LRRTM4: variants seen among roughly 807,000 people sequenced by gnomAD.
LRRTM4 encodes the protein leucine-rich repeat transmembrane neuronal protein 4.
A neutral mutation model predicts 47.6 loss-of-function variants in LRRTM4; 25 were observed. That is an observed-to-expected ratio of 0.53 (90% CI 0.38 to 0.73). LRRTM4 has a LOEUF of 0.73. Ranked by LOEUF, LRRTM4 falls within the 30% of genes least tolerant of loss-of-function variation. The pLI is 0.00. For synonymous variants in LRRTM4, 311 were observed against 269.5 expected, an observed-to-expected ratio of 1.15 and a Z score of -1.51; for missense variants, 638 against 713.4, an observed-to-expected ratio of 0.89 and a Z score of 1.20.
At chr2:77,434,502 T>C (rs1258549342) in intron 3 of LRRTM4, among the ~76,000 whole-genome samples, 2 of 152,000 alleles carry the variant, frequency 1.3e-5, no homozygotes, top group Admixed American at 1.3e-4. Flanking sequence ...AATTTTCTTT[T>C]AAAAACAGTC....
chr2:77,182,441 G>A (rs888505491), intron 3 of LRRTM4, among the ~76,000 whole-genome samples: 7 of 152,058 alleles, frequency 4.6e-5, no homozygotes, highest in African/African-American at 1.7e-4. Context: ...GGGGTGAGGG[G>A]AGAGAATCTA....
At chr2:76,791,806 A>G (rs1301814189) in intron 3 of LRRTM4, among the ~76,000 whole-genome samples, 1 of 152,228 alleles carries the variant, frequency 6.6e-6, no homozygotes, top group Non-Finnish European at 1.5e-5. Flanking sequence ...TTTTGCCAAC[A>G]GTATTTGTCA....
At chr2:76,889,940 G>A (rs1673198339) in intron 3 of LRRTM4, among the ~76,000 whole-genome samples, 1 of 151,874 alleles carries the variant, frequency 6.6e-6, no homozygotes, top group South Asian at 2.1e-4. Context: ...TTTATCTCAG[G>A]ACACTCTGTT....
At chr2:77,512,608 G>C (rs1368468330) in intron 3 of LRRTM4, among the ~76,000 whole-genome samples, 1 of 152,082 alleles carries the variant, frequency 6.6e-6, no homozygotes, top group Non-Finnish European at 1.5e-5. Context: ...AAACTCTAGA[G>C]ACATGAAAAT....
At chr2:77,391,140 ATTATTC>A in intron 3 of LRRTM4, among the ~76,000 whole-genome samples, 1 of 152,176 alleles carries the variant, frequency 6.6e-6, no homozygotes, top group South Asian at 2.1e-4. Context: ...GTAAAAAATA[ATTATTC>A]TTATGAAATC....
chr2:76,790,698 G>A (rs1248027906), intron 3 of LRRTM4, among the ~76,000 whole-genome samples: 1 of 150,754 alleles, frequency 6.6e-6, no homozygotes, highest in East Asian at 1.9e-4. Flanking sequence ...TAATTGGATA[G>A]ACCCCCCCCC....
intron 3 of LRRTM4, among the ~76,000 whole-genome samples, chr2:76,872,327 G>A (rs1672646359): frequency 6.6e-6 from 1 of 152,016 alleles, no homozygotes; most frequent in African/African-American, 2.4e-5. Flanking sequence ...TAATCAAATG[G>A]AGTGAATAAG....
intron 3 of LRRTM4, among the ~76,000 whole-genome samples, chr2:76,927,170 C>T (rs1041060395): frequency 1.5e-4 from 23 of 152,004 alleles, no homozygotes; most frequent in Admixed American, 1.4e-3. Flanking sequence ...TAACCTATTC[C>T]CTAGGAACCC....
chr2:77,158,579 C>T (rs894446431), intron 3 of LRRTM4, among the ~76,000 whole-genome samples: 21 of 151,834 alleles, frequency 1.4e-4, no homozygotes, highest in Non-Finnish European at 1.0e-4. Context: ...TTACATTTAT[C>T]TTACAAATCA....
chr2:77,307,413 A>G (rs1334277479), intron 3 of LRRTM4, among the ~76,000 whole-genome samples: 2 of 150,604 alleles, frequency 1.3e-5, no homozygotes, highest in Non-Finnish European at 3.0e-5. Flanking sequence ...TTTTTCCTGT[A>G]TATGATATGT....
chr2:76,875,179 T>C (rs1672743658), intron 3 of LRRTM4, among the ~76,000 whole-genome samples: 1 of 152,138 alleles, frequency 6.6e-6, no homozygotes, highest in African/African-American at 2.4e-5. Context: ...TACTTTTCAA[T>C]AATGCACATA....
chr2:76,931,524 A>ACT (rs1057143711), intron 3 of LRRTM4, among the ~76,000 whole-genome samples: 1 of 151,282 alleles, frequency 6.6e-6, no homozygotes, highest in Non-Finnish European at 1.5e-5. Context: ...GCCTGGATAC[A>ACT]CTCTCTCTCT....
chr2:77,367,638 T>C (rs1672511453), intron 3 of LRRTM4, among the ~76,000 whole-genome samples: 1 of 151,878 alleles, frequency 6.6e-6, no homozygotes, highest in South Asian at 2.1e-4. Context: ...AGGATATTTC[T>C]GTTTCCAGGT....
chr2:76,968,324 A>T (rs1424779872), intron 3 of LRRTM4, among the ~76,000 whole-genome samples: 4 of 139,454 alleles, frequency 2.9e-5, no homozygotes, highest in African/African-American at 1.0e-4. Context: ...ATGTAAATAC[A>T]AAAGTGTGTA....
intron 3 of LRRTM4, among the ~76,000 whole-genome samples, chr2:76,952,736 C>G (rs1179343967): frequency 6.6e-6 from 1 of 151,822 alleles, no homozygotes; most frequent in Non-Finnish European, 1.5e-5. Flanking sequence ...AAGACAAATG[C>G]ACTTGTATGT....
chr2:77,357,898 G>A (rs1672029964), intron 3 of LRRTM4, among the ~76,000 whole-genome samples: 1 of 151,980 alleles, frequency 6.6e-6, no homozygotes, highest in Non-Finnish European at 1.5e-5. Context: ...CACTCAGAGG[G>A]ATTCTTATTA....
intron 3 of LRRTM4, among the ~76,000 whole-genome samples, chr2:77,483,602 A>G (rs1011848166): frequency 6.6e-6 from 1 of 152,126 alleles, no homozygotes; most frequent in Non-Finnish European, 1.5e-5. Flanking sequence ...CGGCCTCCCA[A>G]AGTGCTGGGA....
intron 3 of LRRTM4, among the ~76,000 whole-genome samples, chr2:76,896,049 G>A (rs551773831): frequency 2.0e-5 from 3 of 152,046 alleles, no homozygotes; most frequent in South Asian, 4.1e-4. Flanking sequence ...TATGTCCTTG[G>A]AAAAACACTT....
chr2:77,049,902 A>G (rs976158937), intron 3 of LRRTM4, among the ~76,000 whole-genome samples: 31 of 152,004 alleles, frequency 2.0e-4, no homozygotes, highest in Non-Finnish European at 4.3e-4. Context: ...CTCTCTGTAT[A>G]TATTTTGCTT....
Sources: gnomAD v4.1 joint callset for allele counts (sites outside exome capture counted in the v4.1 genomes callset) on GRCh38, gnomAD v4.1.1 for gene constraint, MANE v1.5 for transcripts, NCBI Gene and HGNC (gene_info 2026-07-23, HGNC 2026-07-21) for gene names.